The following DCHS1 variants were observed in gnomAD, a reference collection of about 807,000 sequenced individuals.
DCHS1 encodes dachsous cadherin-related 1.
DCHS1 carries 78 observed loss-of-function variants against 213.9 expected under a neutral mutation model. The ratio of observed to expected loss-of-function variants is 0.36; its 90% CI spans 0.30 to 0.44. The LOEUF is 0.44. Ranked by LOEUF, DCHS1 falls within the 20% of genes least tolerant of loss-of-function variation. DCHS1 has a pLI of 1.00. For synonymous variants in DCHS1, 1,828 were observed against 1,873.7 expected (o/e 0.98, Z 0.63); for missense variants, 3,946 against 4,395.9 (o/e 0.90, Z 2.89).
Position 6,621,920 on chromosome 11 carries a change from G to A in DCHS1, c.9756C>T (p.Pro3252=). Residue 3252 remains proline, a synonymous_variant, in exon 21 of 21, where the codon CCC becomes CCT. Transcript: ENST00000299441. ...GAGGAGACAGAGAGGGTGAGAAGCT[G>A]GGGGACATGGCAGCTGAGGACAGGG... The part of the protein sequence containing the change: ...EGSLSSAAMS[P]SFSPSLSPLA... 6.2e-7 allele frequency: 1 copy of A among 1,613,354 alleles called. No individual in the cohort carries two copies. The highest frequency in any genetic ancestry group is 8.5e-7 in the Non-Finnish European group (1 of 1,179,626).
rs77573797 is a variant in DCHS1, at chr11:6,634,033, G to A, written c.1987-13C>T. 4.4e-3 allele frequency: 7,106 copies of A among 1,612,388 alleles called. 62 individuals carry two copies. The highest frequency in any genetic ancestry group is 0.028 in the South Asian group (2,557 of 90,842). ...ACTTGAGGCCTCCCTGGTGGGACATGCAGCCATAGGTCAGGTGGGCCTCAT... is the reference window on the plus strand; with the variant it reads ...ACTTGAGGCCTCCCTGGTGGGACATACAGCCATAGGTCAGGTGGGCCTCAT... On this transcript the variant is annotated splice_polypyrimidine_tract_variant and intron_variant, in intron 3 of 20. Coordinates refer to ENST00000299441, the MANE Select transcript of DCHS1 (RefSeq NM_003737.4).
intron 2 of DCHS1, chr11:6,634,848 A>G (rs1361711879): frequency 6.6e-6 from 1 of 152,234 alleles, no homozygotes; most frequent in African/African-American, 2.4e-5. Flanking sequence ...CCAAATGAGA[A>G]GGCAGAACAT....
rs201967893 is a variant in DCHS1, at chr11:6,632,012, T to C, written c.3481+19A>G. On this transcript the variant is annotated intron_variant, in intron 6 of 20. Transcript: ENST00000299441. The surrounding 1 kb of genome is among the most constrained non-coding windows in gnomAD (Gnocchi z 5.9). The stretch of plus-strand genomic sequence containing the variant: ...GGGATAAGGCTATGCGGTCTCAGGA[T>C]TTGGGTCTCTGTGCTCACCAGTCTG... 19 of 1,497,546 alleles carry C rather than the reference T, an allele frequency of 1.3e-5. No homozygotes were observed. The East Asian group carries it at 4.3e-4, about 34-fold the overall frequency. The allele number at this position is 1,497,546 out of a possible 1,614,324, so 92.8% of individuals were successfully genotyped here. A position where few individuals can be genotyped will look rare whatever the true frequency, so the allele number is the denominator to read the frequency against.
In DCHS1 at chr11:6,621,631, G is replaced by C. The variant is rs1352853605; in HGVS notation, c.*148C>G. The C allele has an allele frequency of 3.4e-6, 3 of 883,036 alleles. No homozygotes were observed. Among genetic ancestry groups the C allele is most frequent in the Non-Finnish European group, 5.4e-6 (3 of 550,934 alleles). 54.7% of individuals were successfully genotyped at this position (883,036 alleles called of 1,614,324 possible). ...TCTGTGGTCCTAGTACTCTGAGGGG[G>C]CTGGGGAGTTCAGGGTGGAGAGCTG... On this transcript the variant is annotated 3_prime_UTR_variant, in exon 21 of 21. Transcript: ENST00000299441.
In DCHS1 at chr11:6,631,761, T is replaced by C. The variant is rs764792761; in HGVS notation, c.3530A>G (p.Tyr1177Cys). The change falls in exon 7 of 21, where the codon TAT becomes TGT. Residue 1177 changes from tyrosine (Y) to cysteine (C), a missense_variant. This residue lies in a region of DCHS1 where 3,384 missense variants were observed against 3,780.1 expected (regional missense o/e 0.90). Transcript: ENST00000299441. ...QTLDREQQSSYQLLVQVQDGG... is the reference protein window; with the variant it reads ...QTLDREQQSSCQLLVQVQDGG... The stretch of plus-strand genomic sequence containing the variant: ...ATCCTGCACCTGCACCAGGAGCTGA[T>C]AGCTGCTCTGCTGCTCACGGTCCAG... The C allele has an allele frequency of 6.3e-6, 10 of 1,595,146 alleles. No homozygotes were observed. The highest frequency in any genetic ancestry group is 2.7e-5 in the African/African-American group (2 of 74,192).
At chr11:6,631,485 G>T (rs1176420959) in intron 7 of DCHS1, 78 bp from the exon 8 acceptor site, 35 of 1,601,478 alleles carry the variant, frequency 2.2e-5, no homozygotes, top group Non-Finnish European at 2.9e-5. Context: ...CTCACCTGTG[G>T]GCAGGCAGAA....
chr11:6,646,680 C>CTGCTACTTGGTCCTCTGACTCCATCCT (rs1177984215), intron 1 of DCHS1, among the ~76,000 whole-genome samples: 2 of 152,204 alleles, frequency 1.3e-5, no homozygotes, highest in Non-Finnish European at 2.9e-5. Flanking sequence ...GTCCCCGGTC[C>CTGCTACTTGGTCCTCTGACTCCATCCT]TGCTACTTGG....
rs145749053 is a variant in DCHS1 at position 6,632,537 on chromosome 11, C to T, written c.2975G>A (p.Gly992Glu). 3,974 of 1,532,226 alleles carry T rather than the reference C, an allele frequency of 2.6e-3. 8 individuals are homozygous for T. The highest frequency in any genetic ancestry group is 3.3e-3 in the Non-Finnish European group (3,756 of 1,137,370). The allele number at this position is 1,532,226 out of a possible 1,614,324, so 94.9% of individuals were successfully genotyped here. ...FRLRVVVQDV[G>E]TRGLAPRFNS... ...GAATCGGGGAGCCAGCCCACGGGTTCCCACATCCTGTACCACCACCCGTAG... is the reference window on the plus strand; with the variant it reads ...GAATCGGGGAGCCAGCCCACGGGTTTCCACATCCTGTACCACCACCCGTAG... The change falls in exon 6 of 21, where the codon GGA becomes GAA. Residue 992 changes from glycine (G) to glutamate (E), a missense_variant. By Grantham distance (98) the Gly-to-Glu change is moderately conservative. Coordinates refer to ENST00000299441, the MANE Select transcript of DCHS1 (RefSeq NM_003737.4). This position sits in a 1 kb window ranked among gnomAD's most constrained non-coding sequence, Gnocchi z 5.9.
rs755739372 is a variant in DCHS1 at position 6,632,727 on chromosome 11, C to T, written c.2785G>A (p.Val929Ile). 5.6e-6 allele frequency: 9 copies of T among 1,605,920 alleles called. No individual in the cohort carries two copies. In the Admixed American group the frequency reaches 1.5e-4, roughly 27 times the overall value. The change falls in exon 6 of 21, where the codon GTC becomes ATC. Residue 929 changes from valine (V) to isoleucine (I), a missense_variant. By Grantham distance (29) the Val-to-Ile change is conservative. This residue lies in a region of DCHS1 where 3,384 missense variants were observed against 3,780.1 expected (regional missense o/e 0.90). Coordinates refer to ENST00000299441, the MANE Select transcript of DCHS1 (RefSeq NM_003737.4). The surrounding 1 kb of genome is among the most constrained non-coding windows in gnomAD (Gnocchi z 5.9). Reference sequence around the variant, plus strand: ...CCCCCAGCAAGCAGGGTAAAGGTGACTCGACTGTTAACACCTGAGTCGGGG... The same window carrying T: ...CCCCCAGCAAGCAGGGTAAAGGTGATTCGACTGTTAACACCTGAGTCGGGG... ...LDPDSGVNSR[V>I]TFTLLAGGGG...
In DCHS1 at chr11:6,640,794, C is replaced by G. The variant is rs765013042; in HGVS notation, c.820G>C (p.Val274Leu). The G allele has an allele frequency of 6.2e-7, 1 of 1,614,044 alleles. No homozygotes were observed. The highest frequency in any genetic ancestry group is 8.5e-7 in the Non-Finnish European group (1 of 1,179,896). The change falls in exon 2 of 21, where the codon GTC (valine) becomes CTC (leucine). Residue 274 changes from valine to leucine, a missense_variant. Around this residue, in one of 3 missense-constraint regions of DCHS1, gnomAD observed 3,384 missense variants for 3,780.1 expected, o/e 0.90. Coordinates refer to ENST00000299441, the MANE Select transcript of DCHS1 (RefSeq NM_003737.4). This position sits in a 1 kb window ranked among gnomAD's most constrained non-coding sequence, Gnocchi z 6.5. The stretch of plus-strand genomic sequence containing the variant: ...GCATCAGATGCGAACACCTGCAAGA[C>G]AGGACTGCCAGGGGCCAGGCTCTCA... ...VSESLAPGSP[V>L]LQVFASDADA... is the part of the protein sequence containing the mutation.
intron 1 of DCHS1, among the ~76,000 whole-genome samples, chr11:6,653,319 C>T (rs73397290): frequency 1.2e-3 from 180 of 152,274 alleles, no homozygotes; most frequent in African/African-American, 4.1e-3. Context: ...CCACTTCCTC[C>T]AGAAAGACTC....
At position 6,626,108 on chromosome 11, in the gene DCHS1, G is replaced by C. The variant is rs1005807347; in HGVS notation, c.6577-34C>G. On this transcript the variant is annotated intron_variant, in intron 16 of 20. Transcript: ENST00000299441. This position sits in a 1 kb window ranked among gnomAD's most constrained non-coding sequence, Gnocchi z 5.2. ...GGTAGGAGGCTGCTGGGACTGGTCTGGCCACAGACAAGTCTGACTAGCCCT... is the reference window on the plus strand; with the variant it reads ...GGTAGGAGGCTGCTGGGACTGGTCTCGCCACAGACAAGTCTGACTAGCCCT... 7 of 1,600,152 alleles carry C rather than the reference G, an allele frequency of 4.4e-6. No individual in the cohort carries two copies. Among genetic ancestry groups the C allele is most frequent in the Non-Finnish European group, 6.0e-6 (7 of 1,173,360 alleles).
chr11:6,631,987 G>T, intron 6 of DCHS1, 44 bp downstream of exon 6: 1 of 1,486,096 alleles, frequency 6.7e-7, no homozygotes, highest in South Asian at 1.4e-5. Flanking sequence ...CACCAGGCTG[G>T]GGATAAGGCT....
chr11:6,630,132 G>C lies in DCHS1; in HGVS notation c.4662C>G (p.Leu1554=), dbSNP rs1385122099. The change falls in exon 10 of 21, where the codon CTC becomes CTG. Residue 1554 remains leucine (L), a synonymous_variant. Transcript: ENST00000299441. ...CGGGCCCAGGCGGCTGGTCCTCTGG[G>C]AGGCGCACGCGTGACGGCGAGGCGA... ...PVFASPSRVR[L]PEDQPPGPAA... 13 of 1,605,498 alleles carry C rather than the reference G, an allele frequency of 8.1e-6. No homozygotes were observed. The African/African-American group carries it at 1.3e-4, about 17-fold the overall frequency.
Position 6,655,626 on chromosome 11 carries a change from G to A in DCHS1, c.-184C>T. ...GCCGTCCGGCCGCGGTCAGCCCCCC[G>A]GGCAGCGCCCGCTCGCGCGGGGCCT... On this transcript the variant is annotated 5_prime_UTR_variant, in exon 1 of 21. Coordinates refer to ENST00000299441, the MANE Select transcript of DCHS1 (RefSeq NM_003737.4). The A allele has an allele frequency of 3.1e-6, 3 of 974,350 alleles. No homozygotes were observed. Among genetic ancestry groups the A allele is most frequent in the South Asian group, 9.5e-5 (2 of 20,990 alleles). 60.4% of individuals were successfully genotyped at this position (974,350 alleles called of 1,614,324 possible).
At chr11:6,642,336 A>T (rs1202455883) in intron 1 of DCHS1, among the ~76,000 whole-genome samples, 1 of 152,180 alleles carries the variant, frequency 6.6e-6, no homozygotes, top group Non-Finnish European at 1.5e-5. Context: ...GGCTTCATAG[A>T]GCTTATAGTC....
chr11:6,628,865 C>T lies in DCHS1; in HGVS notation c.5162-35G>A. 1.9e-6 allele frequency: 3 copies of T among 1,583,852 alleles called. No homozygotes were observed. Among genetic ancestry groups the T allele is most frequent in the South Asian group, 1.1e-5 (1 of 87,796 alleles). Reference sequence around the variant, plus strand: ...AGCAAAATCAATGAGGTCTAGTCTGCCCTCACCACATGGAGAAATCCACAC... The same window carrying T: ...AGCAAAATCAATGAGGTCTAGTCTGTCCTCACCACATGGAGAAATCCACAC... On this transcript the variant is annotated intron_variant, in intron 12 of 20. Transcript: ENST00000299441. This position sits in a 1 kb window ranked among gnomAD's most constrained non-coding sequence, Gnocchi z 4.3.
rs752150839 is a variant in DCHS1 at position 6,631,726 on chromosome 11, G to A, written c.3565C>T (p.Pro1189Ser). Residue 1189 changes from proline (P) to serine (S), a missense_variant, in exon 7 of 21, where the codon CCA becomes TCA. By Grantham distance (74) the Pro-to-Ser change is moderately conservative. Around this residue, in one of 3 missense-constraint regions of DCHS1, gnomAD observed 3,384 missense variants for 3,780.1 expected, o/e 0.90. Coordinates refer to ENST00000299441, the MANE Select transcript of DCHS1 (RefSeq NM_003737.4). ...LLVQVQDGGS[P>S]PRSTTGTVHV... ...ACAGTGCCTGTGGTGCTGCGGGGTG[G>A]GCTCCCTCCATCCTGCACCTGCACC... 3 of 1,609,696 alleles carry A rather than the reference G, an allele frequency of 1.9e-6. No individual in the cohort carries two copies. In the Admixed American group the frequency reaches 5.1e-5, roughly 27 times the overall value.
At chr11:6,637,388 T>C (rs1856000538) in intron 2 of DCHS1, among the ~76,000 whole-genome samples, 1 of 152,168 alleles carries the variant, frequency 6.6e-6, no homozygotes, top group South Asian at 2.1e-4. Flanking sequence ...ATATCCCTTC[T>C]GGGGGGCAAA....
Sources: gnomAD v4.1 joint callset for allele counts (sites outside exome capture counted in the v4.1 genomes callset) on GRCh38, gnomAD v4.1.1 for gene constraint, gnomAD v4.1.1 regional missense constraint, Gnocchi (gnomAD v3.1) non-coding constraint, MANE v1.5 for transcripts, NCBI Gene and HGNC (gene_info 2026-07-23, HGNC 2026-07-21) for gene names.